Variants in TNF observed in about 807,000 individuals in gnomAD.
The protein encoded by TNF is APC1 protein.
A neutral mutation model predicts 21.8 loss-of-function variants in TNF; 7 were observed. That is an observed-to-expected ratio of 0.32 (90% confidence interval 0.18 to 0.60). The LOEUF (loss-of-function observed/expected upper bound fraction) is 0.60, where lower values mean the gene tolerates loss of function less well. TNF is among the 20% of genes least tolerant of loss of function. The pLI, the probability that TNF is intolerant of heterozygous loss-of-function variation, is 0.84. For synonymous variants in TNF, 123 were observed against 130.2 expected, an observed-to-expected ratio of 0.94 and a Z score of 0.38; for missense variants, 216 against 296.6, an observed-to-expected ratio of 0.73 and a Z score of 2.00.
At position 31,577,480 on chromosome 6, in the gene TNF, C is replaced by T. The variant is rs780711335; in HGVS notation, c.645C>T (p.Pro215=). 6.8e-6 allele frequency: 11 copies of T among 1,613,058 alleles called. 1 individual carries two copies. Among genetic ancestry groups the T allele is most frequent in the South Asian group, 5.5e-5 (5 of 91,084 alleles). ...GDRLSAEINR[P]DYLDFAESGQ... ...GACTCAGCGCTGAGATCAATCGGCC[C>T]GACTATCTCGACTTTGCCGAGTCTG... The change falls in exon 4 of 4, where the codon CCC becomes CCT. Residue 215 remains proline, a synonymous_variant. Coordinates refer to ENST00000449264, the MANE Select transcript of TNF (RefSeq NM_000594.4). This position sits in a 1 kb window ranked among gnomAD's most constrained non-coding sequence, Gnocchi z 7.7.
rs756260984 is a variant in TNF at position 31,577,462 on chromosome 6, C to T, written c.627C>T (p.Ser209=). ...AGCTGGAGAAGGGTGACCGACTCAG[C>T]GCTGAGATCAATCGGCCCGACTATC... is the stretch of plus-strand genomic sequence containing the variant. The part of the protein sequence containing the change: ...VFQLEKGDRL[S]AEINRPDYLD... Residue 209 remains serine (S), a synonymous_variant, in exon 4 of 4, where the codon AGC becomes AGT. Transcript: ENST00000449264. This position sits in a 1 kb window ranked among gnomAD's most constrained non-coding sequence, Gnocchi z 7.7. 8.7e-6 allele frequency: 14 copies of T among 1,613,122 alleles called. No homozygotes were observed. Among genetic ancestry groups the T allele is most frequent in the Middle Eastern group, 1.6e-4 (1 of 6,062 alleles).
chr6:31,576,677 C>T (rs563535896), intron 2 of TNF, 90 bp from the exon 3 acceptor site: 3 of 1,588,218 alleles, frequency 1.9e-6, no homozygotes, highest in Admixed American at 1.7e-5. Flanking sequence ...AAGTTTTGGT[C>T]TTGGGGGAGG....
intron 1 of TNF, 91 bp from the exon 2 acceptor site, chr6:31,576,443 A>G (rs139617507): frequency 1.5e-6 from 2 of 1,296,468 alleles, no homozygotes; most frequent in African/African-American, 1.5e-5. Context: ...CAGACACCTC[A>G]GGGCTAAGAG....
chr6:31,575,798 G>A lies in TNF; in HGVS notation c.57G>A (p.Lys19=). The A allele has an allele frequency of 6.2e-7, 1 of 1,610,988 alleles. No individual in the cohort carries two copies. The part of the protein sequence containing the change: ...DVELAEEALP[K]KTGGPQGSRR... ...AGCTGGCCGAGGAGGCGCTCCCCAA[G>A]AAGACAGGGGGGCCCCAGGGCTCCA... The change falls in exon 1 of 4, where the codon AAG becomes AAA. Residue 19 remains lysine (K), a synonymous_variant. Transcript: ENST00000449264. This position sits in a 1 kb window ranked among gnomAD's most constrained non-coding sequence, Gnocchi z 6.2.
At position 31,577,394 on chromosome 6, in the gene TNF, G is replaced by A. The variant is rs760036765; in HGVS notation, c.559G>A (p.Ala187Thr). The A allele has an allele frequency of 1.2e-6, 2 of 1,613,164 alleles. No individual in the cohort carries two copies. Among genetic ancestry groups the A allele is most frequent in the Admixed American group, 1.7e-5 (1 of 60,034 alleles). Residue 187 changes from alanine (A) to threonine (T), a missense_variant, in exon 4 of 4, where the codon GCC (alanine) becomes ACC (threonine). By Grantham distance (58) the Ala-to-Thr change is moderately conservative. Around this residue, in one of 2 missense-constraint regions of TNF, gnomAD observed 98 missense variants for 169.6 expected, o/e 0.58. Coordinates refer to ENST00000449264, the MANE Select transcript of TNF (RefSeq NM_000594.4). This position sits in a 1 kb window ranked among gnomAD's most constrained non-coding sequence, Gnocchi z 7.7. Reference protein sequence around the residue: ...CQRETPEGAEAKPWYEPIYLG... With the variant: ...CQRETPEGAETKPWYEPIYLG... ...GAGGGAGACCCCAGAGGGGGCTGAG[G>A]CCAAGCCCTGGTATGAGCCCATCTA...
In TNF at chr6:31,576,900, A is replaced by G. The variant is rs1007655911; in HGVS notation, c.280+86A>G. On this transcript the variant is annotated intron_variant, in intron 3 of 3. Transcript: ENST00000449264. ...GGCTGATGGTAGGCAGAACTTGGAG[A>G]CAATGTGAGAAGGACTCGCTGAGCT... 14 of 1,528,898 alleles carry G rather than the reference A, an allele frequency of 9.2e-6. No homozygotes were observed. In the African/African-American group the frequency reaches 1.8e-4, roughly 19 times the overall value. 94.7% of individuals were successfully genotyped at this position (1,528,898 alleles called of 1,614,324 possible). A position where few individuals can be genotyped will look rare whatever the true frequency, so the allele number is the denominator to read the frequency against.
At position 31,577,229 on chromosome 6, in the gene TNF, T is replaced by G; in HGVS notation, c.394T>G (p.Tyr132Asp). ...GCTGGTGGTGCCATCAGAGGGCCTG[T>G]ACCTCATCTACTCCCAGGTCCTCTT... ...NQLVVPSEGL[Y>D]LIYSQVLFKG... The change falls in exon 4 of 4, where the codon TAC (tyrosine) becomes GAC (aspartate). Residue 132 changes from tyrosine (Y) to aspartate (D), a missense_variant. By Grantham distance (160) the Tyr-to-Asp change is radical (BLOSUM62 -3). Transcript: ENST00000449264. The surrounding 1 kb of genome is among the most constrained non-coding windows in gnomAD (Gnocchi z 7.7). 1 of 1,613,122 alleles carries G rather than the reference T, an allele frequency of 6.2e-7. No homozygotes were observed. Among genetic ancestry groups the G allele is most frequent in the South Asian group, 1.1e-5 (1 of 91,088 alleles).
chr6:31,577,022 C>A lies in TNF; in HGVS notation c.281-94C>A. Reference sequence around the variant, plus strand: ...GATGACAGACAGAGAGGACAGGAACCGGATGTGGGGTGGGCAGAGCTCGAG... The same window carrying A: ...GATGACAGACAGAGAGGACAGGAACAGGATGTGGGGTGGGCAGAGCTCGAG... On this transcript the variant is annotated intron_variant, in intron 3 of 3. Coordinates refer to ENST00000449264, the MANE Select transcript of TNF (RefSeq NM_000594.4). This position sits in a 1 kb window ranked among gnomAD's most constrained non-coding sequence, Gnocchi z 7.7. 1 of 1,483,578 alleles carries A rather than the reference C, an allele frequency of 6.7e-7. No homozygotes were observed. Among genetic ancestry groups the A allele is most frequent in the Admixed American group, 1.9e-5 (1 of 53,286 alleles). 91.9% of individuals were successfully genotyped at this position (1,483,578 alleles called of 1,614,324 possible). A position where few individuals can be genotyped will look rare whatever the true frequency, so the allele number is the denominator to read the frequency against.
Position 31,575,636 on chromosome 6 carries a change from GA to G in TNF, c.-102del. ...AGAGAAGCAACTACAGACCCCCCCTGAAAACAACCCTCAGACGCCACATCCC... is the reference window on the plus strand; with the variant it reads ...AGAGAAGCAACTACAGACCCCCCCTGAAACAACCCTCAGACGCCACATCCC... On this transcript the variant is annotated 5_prime_UTR_variant, in exon 1 of 4. Transcript: ENST00000449264. This position sits in a 1 kb window ranked among gnomAD's most constrained non-coding sequence, Gnocchi z 6.2. The G allele has an allele frequency of 8.8e-7, 1 of 1,136,710 alleles. No homozygotes were observed. The highest frequency in any genetic ancestry group is 2.5e-5 in the Admixed American group (1 of 39,900). The allele number at this position is 1,136,710 out of a possible 1,614,324, so 70.4% of individuals were successfully genotyped here.
intron 2 of TNF, 53 bp downstream of exon 2, chr6:31,576,632 G>C (rs56340803): frequency 5.6e-6 from 9 of 1,606,106 alleles, no homozygotes; most frequent in South Asian, 3.3e-5. Context: ...TGGGGGTAGG[G>C]TTAGTACCGG....
chr6:31,576,992 T>A, intron 3 of TNF, 124 bp from the exon 4 acceptor site: 1 of 1,387,222 alleles, frequency 7.2e-7, no homozygotes, highest in Non-Finnish European at 1.0e-6. Context: ...CCAGGTGGGA[T>A]GTGGGATGAC....
intron 3 of TNF, 82 bp downstream of exon 3, chr6:31,576,896 G>A: frequency 6.5e-7 from 1 of 1,542,152 alleles, no homozygotes. Context: ...GGCAGAACTT[G>A]GAGACAATGT....
chr6:31,575,725 C>G lies in TNF; in HGVS notation c.-17C>G. The G allele has an allele frequency of 6.4e-7, 1 of 1,555,462 alleles. No individual in the cohort carries two copies. Among genetic ancestry groups the G allele is most frequent in the Non-Finnish European group, 8.7e-7 (1 of 1,151,604 alleles). On this transcript the variant is annotated 5_prime_UTR_variant, in exon 1 of 4. Coordinates refer to ENST00000449264, the MANE Select transcript of TNF (RefSeq NM_000594.4). This position sits in a 1 kb window ranked among gnomAD's most constrained non-coding sequence, Gnocchi z 6.2. The stretch of plus-strand genomic sequence containing the variant: ...ACTGACCCACGGCTCCACCCTCTCT[C>G]CCCTGGAAAGGACACCATGAGCACT...
intron 3 of TNF, 137 bp from the exon 4 acceptor site, chr6:31,576,979 T>A (rs762644987): frequency 1.5e-6 from 2 of 1,367,722 alleles, no homozygotes; most frequent in Admixed American, 1.9e-5. Context: ...CAGAACGTCA[T>A]GGCCAGGTGG....
Position 31,577,482 on chromosome 6 carries a change from A to G in TNF, c.647A>G (p.Asp216Gly). The change falls in exon 4 of 4, where the codon GAC becomes GGC. Residue 216 changes from aspartate (D) to glycine (G), a missense_variant. Physicochemically the swap from Asp to Gly is moderately conservative, Grantham distance 94. This residue lies in a region of TNF where 98 missense variants were observed against 169.6 expected (regional missense o/e 0.58). Transcript: ENST00000449264. The surrounding 1 kb of genome is among the most constrained non-coding windows in gnomAD (Gnocchi z 7.7). ...DRLSAEINRP[D>G]YLDFAESGQV... is the part of the protein sequence containing the mutation. Reference sequence around the variant, plus strand: ...CTCAGCGCTGAGATCAATCGGCCCGACTATCTCGACTTTGCCGAGTCTGGG... The same window carrying G: ...CTCAGCGCTGAGATCAATCGGCCCGGCTATCTCGACTTTGCCGAGTCTGGG... 1 of 1,613,070 alleles carries G rather than the reference A, an allele frequency of 6.2e-7. No homozygotes were observed. Among genetic ancestry groups the G allele is most frequent in the East Asian group, 2.2e-5 (1 of 44,894 alleles).
In TNF at chr6:31,575,591, C is replaced by T; in HGVS notation, c.-151C>T. ...GCAGACGCTCCCTCAGCAAGGACAG[C>T]AGAGGACCAGCTAAGAGGGAGAGAA... On this transcript the variant is annotated 5_prime_UTR_variant, in exon 1 of 4. Coordinates refer to ENST00000449264, the MANE Select transcript of TNF (RefSeq NM_000594.4). The surrounding 1 kb of genome is among the most constrained non-coding windows in gnomAD (Gnocchi z 6.2). The T allele has an allele frequency of 1.4e-6, 1 of 701,092 alleles. No homozygotes were observed. The highest frequency in any genetic ancestry group is 2.3e-6 in the Non-Finnish European group (1 of 426,690). The allele number at this position is 701,092 out of a possible 1,614,324, so 43.4% of individuals were successfully genotyped here.
In TNF at chr6:31,577,359, G is replaced by A; in HGVS notation, c.524G>A (p.Ser175Asn). The change falls in exon 4 of 4, where the codon AGC becomes AAC. Residue 175 changes from serine to asparagine, a missense_variant. Physicochemically the swap from Ser to Asn is conservative, Grantham distance 46 (BLOSUM62 1). Transcript: ENST00000449264. This position sits in a 1 kb window ranked among gnomAD's most constrained non-coding sequence, Gnocchi z 7.7. ...TKVNLLSAIK[S>N]PCQRETPEGA... ...GTCAACCTCCTCTCTGCCATCAAGA[G>A]CCCCTGCCAGAGGGAGACCCCAGAG... The A allele has an allele frequency of 2.5e-6, 4 of 1,613,140 alleles. No individual in the cohort carries two copies. The East Asian group carries it at 8.9e-5, about 36-fold the overall frequency.
Position 31,577,024 on chromosome 6 carries a change from G to A in TNF, c.281-92G>A. 1 of 1,490,806 alleles carries A rather than the reference G, an allele frequency of 6.7e-7. No individual in the cohort carries two copies. The highest frequency in any genetic ancestry group is 1.3e-5 in the South Asian group (1 of 79,746). The allele number at this position is 1,490,806 out of a possible 1,614,324, so 92.3% of individuals were successfully genotyped here. A position where few individuals can be genotyped will look rare whatever the true frequency, so the allele number is the denominator to read the frequency against. ...TGACAGACAGAGAGGACAGGAACCG[G>A]ATGTGGGGTGGGCAGAGCTCGAGGG... On this transcript the variant is annotated intron_variant, in intron 3 of 3. Coordinates refer to ENST00000449264, the MANE Select transcript of TNF (RefSeq NM_000594.4). The surrounding 1 kb of genome is among the most constrained non-coding windows in gnomAD (Gnocchi z 7.7).
In TNF at chr6:31,575,920, G is replaced by A; in HGVS notation, c.179G>A (p.Arg60Lys). Residue 60 changes from arginine (R) to lysine (K), a missense_variant, in exon 1 of 4, where the codon AGG becomes AAG. Arg to Lys is a conservative substitution (Grantham distance 26, BLOSUM62 2). Around this residue, in one of 2 missense-constraint regions of TNF, gnomAD observed 118 missense variants for 127.1 expected, o/e 0.93. Coordinates refer to ENST00000449264, the MANE Select transcript of TNF (RefSeq NM_000594.4). The surrounding 1 kb of genome is among the most constrained non-coding windows in gnomAD (Gnocchi z 6.2). ...CACTTTGGAGTGATCGGCCCCCAGA[G>A]GGAAGAGGTGAGTGCCTGGCCAGCC... is the stretch of plus-strand genomic sequence containing the variant. ...LLHFGVIGPQ[R>K]EEFPRDLSLI... The A allele has an allele frequency of 6.5e-7, 1 of 1,548,918 alleles. No homozygotes were observed.
Sources: allele counts gnomAD v4.1 joint callset, GRCh38; gene constraint gnomAD v4.1.1; regional missense constraint gnomAD v4.1.1; non-coding constraint Gnocchi (gnomAD v3.1); transcripts MANE v1.5; gene names NCBI Gene and HGNC (gene_info 2026-07-23, HGNC 2026-07-21).